The following C12orf56 variants were observed in gnomAD, a reference collection of about 807,000 sequenced individuals.
C12orf56 encodes the protein uncharacterized protein C12orf56.
Under a neutral mutation model 69.9 loss-of-function variants are expected in C12orf56, and 71 were observed. The ratio of observed to expected loss-of-function variants is 1.02; its 90% CI spans 0.84 to 1.24. The LOEUF is 1.24. Ranked by LOEUF, C12orf56 falls within the 50% of genes most tolerant of loss-of-function variation. C12orf56 has a pLI of 0.00. For missense variants in C12orf56, 732 were observed against 738.5 expected (o/e 0.99, Z 0.10); for synonymous variants, 276 against 274.1 (o/e 1.01, Z -0.07).
At chr12:64,356,187 A>AAC (rs1300496225) in intron 1 of C12orf56, among the ~76,000 whole-genome samples, 1 of 151,670 alleles carries the variant, frequency 6.6e-6, no homozygotes, top group Non-Finnish European at 1.5e-5. Context: ...AAAAAAAAAA[A>AAC]AAAAAAAAAA....
intron 2 of C12orf56, among the ~76,000 whole-genome samples, chr12:64,352,087 G>GGTTTTT (rs1565770094): frequency 4.7e-5 from 5 of 105,536 alleles, no homozygotes; most frequent in African/African-American, 1.8e-4. Flanking sequence ...AGGTTTTTTT[G>GGTTTTT]TTTTTGTTTT....
chr12:64,294,321 T>C (rs2038335209), intron 6 of C12orf56, among the ~76,000 whole-genome samples: 1 of 152,196 alleles, frequency 6.6e-6, no homozygotes, highest in African/African-American at 2.4e-5. Flanking sequence ...AATCTAGCAA[T>C]TCCATTTCTG....
chr12:64,293,250 C>T (rs1404165175), intron 6 of C12orf56: 1 of 152,216 alleles, frequency 6.6e-6, no homozygotes, highest in Non-Finnish European at 1.5e-5. Context: ...CGCCCACTGT[C>T]TGGCACTCCC....
chr12:64,357,483 G>C (rs1373944779), intron 1 of C12orf56, among the ~76,000 whole-genome samples: 1 of 151,224 alleles, frequency 6.6e-6, no homozygotes, highest in Non-Finnish European at 1.5e-5. Context: ...TACAATCTCA[G>C]GTCACTGCAA....
At chr12:64,371,189 G>A (rs1267240635) in intron 1 of C12orf56, among the ~76,000 whole-genome samples, 3 of 151,958 alleles carry the variant, frequency 2.0e-5, no homozygotes. Flanking sequence ...ATCATCTGAG[G>A]TCAGGAGTTT....
At position 64,266,582 on chromosome 12, in the gene C12orf56, C is replaced by A; in HGVS notation, c.*601G>T. ...CCCTGCTGGTGGTGGACATAGTGGA[C>A]TCCAAGAACCTAGTCGAAATAATGG... On this transcript the variant is annotated 3_prime_UTR_variant, in exon 13 of 13. Coordinates refer to ENST00000543942, the MANE Select transcript of C12orf56 (RefSeq NM_001170633.2). 1 of 364,356 alleles carries A rather than the reference C, an allele frequency of 2.7e-6. No homozygotes were observed. Among genetic ancestry groups the A allele is most frequent in the East Asian group, 5.3e-5 (1 of 18,784 alleles). 22.6% of individuals were successfully genotyped at this position (364,356 alleles called of 1,614,324 possible). A position where few individuals can be genotyped will look rare whatever the true frequency, so the allele number is the denominator to read the frequency against.
At chr12:64,308,325 A>C (rs2038542880) in intron 5 of C12orf56, among the ~76,000 whole-genome samples, 1 of 152,210 alleles carries the variant, frequency 6.6e-6, no homozygotes, top group Non-Finnish European at 1.5e-5. Context: ...CTGTATCAAT[A>C]AATACATACA....
intron 2 of C12orf56, among the ~76,000 whole-genome samples, chr12:64,346,455 A>G (rs1183591303): frequency 6.6e-6 from 1 of 152,182 alleles, no homozygotes; most frequent in East Asian, 1.9e-4. Context: ...CTTCACACAC[A>G]TACCCAGGAT....
chr12:64,352,116 GT>G (rs55635010), intron 2 of C12orf56, among the ~76,000 whole-genome samples: 80,128 of 146,646 alleles, frequency 0.55, 21,902 homozygotes, highest in East Asian at 0.7. Flanking sequence ...TTTTTTTTTT[GT>G]TTTTTTTTTT....
At chr12:64,336,174 C>T (rs1349792334) in intron 2 of C12orf56, among the ~76,000 whole-genome samples, 1 of 152,108 alleles carries the variant, frequency 6.6e-6, no homozygotes, top group Non-Finnish European at 1.5e-5. Flanking sequence ...TTACTGTTGG[C>T]ATAATGGAAA....
chr12:64,354,374 G>A (rs1465929707), intron 1 of C12orf56, among the ~76,000 whole-genome samples: 1 of 152,130 alleles, frequency 6.6e-6, no homozygotes, highest in Admixed American at 6.5e-5. Flanking sequence ...CAGGAGTTGA[G>A]GCTGTAGTGT....
At chr12:64,348,669 G>A (rs147560736) in intron 2 of C12orf56, among the ~76,000 whole-genome samples, 20 of 152,216 alleles carry the variant, frequency 1.3e-4, no homozygotes, top group Non-Finnish European at 2.8e-4. Context: ...ATCTTCCTCA[G>A]GTTATATTTT....
intron 11 of C12orf56, 22 bp downstream of exon 11, chr12:64,274,879 G>T (rs6581534): frequency 0.22 from 349,929 of 1,565,326 alleles, 42,857 homozygotes; most frequent in East Asian, 0.49. Flanking sequence ...GGGTGATTTC[G>T]TTTTGACTTC....
chr12:64,272,786 T>C (rs2038006899), intron 11 of C12orf56, among the ~76,000 whole-genome samples: 1 of 152,180 alleles, frequency 6.6e-6, no homozygotes, highest in Admixed American at 6.5e-5. Flanking sequence ...GGTTGGGGCC[T>C]GTGTGCTACT....
At chr12:64,274,999 A>G (rs1460620063) in intron 10 of C12orf56, 24 bp from the exon 11 acceptor site, 3 of 1,563,782 alleles carry the variant, frequency 1.9e-6, no homozygotes, top group Non-Finnish European at 2.6e-6. Context: ...GGAAATAAAC[A>G]AGTTATATTC....
intron 1 of C12orf56, among the ~76,000 whole-genome samples, chr12:64,359,155 C>G (rs574911932): frequency 6.6e-6 from 1 of 152,266 alleles, no homozygotes; most frequent in East Asian, 1.9e-4. Flanking sequence ...CTCCCTATAT[C>G]CAGAGGAAAG....
intron 1 of C12orf56, among the ~76,000 whole-genome samples, chr12:64,353,942 A>G (rs1175267307): frequency 1.3e-5 from 2 of 152,142 alleles, no homozygotes; most frequent in African/African-American, 4.8e-5. Flanking sequence ...CGGCCTCCCA[A>G]AGTGCTGGGA....
At chr12:64,303,423 T>A (rs973490493) in intron 6 of C12orf56, among the ~76,000 whole-genome samples, 1 of 150,646 alleles carries the variant, frequency 6.6e-6, no homozygotes, top group African/African-American at 2.4e-5. Context: ...ACCACTCCCC[T>A]CTCTTCCCAT....
Position 64,318,820 on chromosome 12 carries a change from C to A in C12orf56, c.649G>T (p.Glu217Ter). The A allele has an allele frequency of 6.5e-7, 1 of 1,537,180 alleles. No individual in the cohort carries two copies. The highest frequency in any genetic ancestry group is 8.7e-7 in the Non-Finnish European group (1 of 1,146,896). ...SAPTTGKAVSEPSCTTNTKEP... is the reference protein window; with the variant it reads ...SAPTTGKAVS ...TTTGTGTTTGTTGTGCAAGATGGCT[C>A]GCTGACAGCCTTGCCAGTTGTTGGT... The change falls in exon 4 of 13, where the codon GAG becomes TAG. Residue 217 changes from glutamate (E) to a stop codon, truncating the protein, a stop_gained. Coordinates refer to ENST00000543942, the MANE Select transcript of C12orf56 (RefSeq NM_001170633.2). LOFTEE classifies it high-confidence loss of function.
Sources: allele counts gnomAD v4.1 joint callset (sites outside exome capture counted in the v4.1 genomes callset), GRCh38; gene constraint gnomAD v4.1.1; transcripts MANE v1.5; gene names NCBI Gene and HGNC (gene_info 2026-07-23, HGNC 2026-07-21).